NRG3: variants seen among roughly 807,000 people sequenced by gnomAD.
NRG3 encodes neuregulin 3, also known as pro-neuregulin-3, membrane-bound isoform.
A neutral mutation model predicts 66.9 loss-of-function variants in NRG3; 31 were observed. The ratio of observed to expected loss-of-function variants is 0.46; its 90% CI spans 0.35 to 0.63. NRG3 has a LOEUF of 0.63. NRG3 is among the 20% of genes least tolerant of loss of function. The pLI is 0.00. For synonymous variants in NRG3, 393 were observed against 359.4 expected, an observed-to-expected ratio of 1.09 and a Z score of -1.06; for missense variants, 910 against 878.9, an observed-to-expected ratio of 1.04 and a Z score of -0.45.
intron 1 of NRG3, among the ~76,000 whole-genome samples, chr10:81,903,998 T>A (rs10883888): frequency 0.12 from 11,036 of 91,754 alleles, 517 homozygotes; most frequent in Middle Eastern, 0.15. Flanking sequence ...ATATATATAT[T>A]TTTTTTTTTT....
rs1392307198 is a variant in NRG3 at position 82,408,086 on chromosome 10, A to AGAAAGAAAGAAAGAAG, written c.953+49233_953+49234insGGAAAGAAAGAAAGAA. Reference sequence around the variant, plus strand: ...GAGAGAGAGAGAGAGAGAGAGAGACAGAAAGAAAGAAAGAAAGAAAGAAAG... The same window carrying AGAAAGAAAGAAAGAAG: ...GAGAGAGAGAGAGAGAGAGAGAGACAGAAAGAAAGAAAGAAGGAAAGAAAGAAAGAAAGAAAGAAAG... On this transcript the variant is annotated intron_variant, in intron 2 of 8. Coordinates refer to ENST00000372141, the MANE Select transcript of NRG3 (RefSeq NM_001010848.4). Among the ~76,000 whole-genome samples, 59 of 37,924 alleles carry AGAAAGAAAGAAAGAAG rather than the reference A, an allele frequency of 1.6e-3. 2 individuals carry two copies. The highest frequency in any genetic ancestry group is 4.8e-3 in the African/African-American group (57 of 11,832). The allele number at this position is 37,924 out of a possible 152,430, so 24.9% of individuals were successfully genotyped here.
intron 2 of NRG3, among the ~76,000 whole-genome samples, chr10:82,689,838 T>C (rs1481867768): frequency 1.3e-5 from 2 of 152,188 alleles, no homozygotes; most frequent in African/African-American, 2.4e-5. Flanking sequence ...ATCTTTACCA[T>C]AGTTTGTAAG....
intron 1 of NRG3, among the ~76,000 whole-genome samples, chr10:82,271,448 A>G (rs1159413828): frequency 1.3e-5 from 2 of 152,152 alleles, no homozygotes; most frequent in African/African-American, 4.8e-5. Flanking sequence ...ATCTGACTCA[A>G]TAATTGGTTG....
chr10:82,854,035 T>C (rs2063689970), intron 3 of NRG3, among the ~76,000 whole-genome samples: 1 of 152,184 alleles, frequency 6.6e-6, no homozygotes, highest in African/African-American at 2.4e-5. Flanking sequence ...GAAAGAAAAT[T>C]GGTGGGATTA....
chr10:82,186,134 AT>A (rs993251698), intron 1 of NRG3, among the ~76,000 whole-genome samples: 29 of 151,798 alleles, frequency 1.9e-4, no homozygotes, highest in African/African-American at 5.3e-4. Context: ...TAAAAACAAG[AT>A]TTTTTTTTAC....
chr10:81,886,208 C>T (rs954881860), intron 1 of NRG3, among the ~76,000 whole-genome samples: 4 of 152,044 alleles, frequency 2.6e-5, no homozygotes, highest in Non-Finnish European at 4.4e-5. Flanking sequence ...GACAAATGCC[C>T]ACTCCATGCC....
At chr10:82,634,496 A>C (rs2050053061) in intron 2 of NRG3, among the ~76,000 whole-genome samples, 1 of 152,178 alleles carries the variant, frequency 6.6e-6, no homozygotes, top group African/African-American at 2.4e-5. Flanking sequence ...AATTTGGGAG[A>C]TGCACATTTT....
intron 2 of NRG3, among the ~76,000 whole-genome samples, chr10:82,608,211 G>A (rs976833623): frequency 6.6e-6 from 1 of 152,130 alleles, no homozygotes; most frequent in African/African-American, 2.4e-5. Flanking sequence ...TTAGCTTGGT[G>A]GGTTTTTTGT....
intron 1 of NRG3, among the ~76,000 whole-genome samples, chr10:81,900,238 GCGCC>G (rs1293398089): frequency 2.7e-5 from 4 of 146,024 alleles, no homozygotes; most frequent in South Asian, 2.1e-4. Context: ...ATGAGCCAAT[GCGCC>G]TGGCCGGTTT....
At chr10:82,544,290 A>G in intron 2 of NRG3, among the ~76,000 whole-genome samples, 1 of 152,182 alleles carries the variant, frequency 6.6e-6, no homozygotes, top group South Asian at 2.1e-4. Context: ...GAGTCAATCC[A>G]TAATCTCCAG....
intron 8 of NRG3, among the ~76,000 whole-genome samples, chr10:82,982,281 A>AT (rs1441198035): frequency 1.2e-4 from 19 of 152,226 alleles, no homozygotes; most frequent in Non-Finnish European, 2.5e-4. Flanking sequence ...AATGACTGGG[A>AT]ACCAAACCAA....
chr10:81,981,346 A>G (rs1241931808), intron 1 of NRG3, among the ~76,000 whole-genome samples: 1 of 152,232 alleles, frequency 6.6e-6, no homozygotes, highest in Non-Finnish European at 1.5e-5. Flanking sequence ...GAAAGAAGAA[A>G]GGAATCATAG....
At chr10:82,188,107 A>G (rs899846734) in intron 1 of NRG3, among the ~76,000 whole-genome samples, 2 of 152,314 alleles carry the variant, frequency 1.3e-5, no homozygotes, top group African/African-American at 4.8e-5. Context: ...CTGGCATACA[A>G]AAAGACACAG....
At chr10:82,813,963 T>A (rs1420698894) in intron 3 of NRG3, among the ~76,000 whole-genome samples, 1 of 152,222 alleles carries the variant, frequency 6.6e-6, no homozygotes, top group African/African-American at 2.4e-5. Context: ...AGTCCCAGAT[T>A]CATAGAGCAT....
intron 2 of NRG3, among the ~76,000 whole-genome samples, chr10:82,363,095 C>T (rs1020747407): frequency 6.6e-6 from 1 of 151,968 alleles, no homozygotes; most frequent in African/African-American, 2.4e-5. Flanking sequence ...TGTGAGGAAA[C>T]CGAATAACAA....
At chr10:82,362,402 C>A (rs1485865839) in intron 2 of NRG3, among the ~76,000 whole-genome samples, 1 of 149,540 alleles carries the variant, frequency 6.7e-6, no homozygotes, top group African/African-American at 2.5e-5. Flanking sequence ...GAGAGGGACC[C>A]TTGCTCTGTC....
intron 1 of NRG3, among the ~76,000 whole-genome samples, chr10:82,198,527 A>G (rs1285283211): frequency 6.6e-6 from 1 of 152,184 alleles, no homozygotes; most frequent in Non-Finnish European, 1.5e-5. Context: ...AAAACCTTCA[A>G]CTTCTTGTAC....
intron 1 of NRG3, among the ~76,000 whole-genome samples, chr10:82,044,256 TCA>T (rs1295725663): frequency 6.6e-6 from 1 of 152,046 alleles, no homozygotes; most frequent in African/African-American, 2.4e-5. Flanking sequence ...TCCAACTCTC[TCA>T]CTGTAGTTCA....
rs533980651 is a variant in NRG3, at chr10:82,019,727, A to C, written c.823+143564A>C. Reference sequence around the variant, plus strand: ...TAGATTTTCTAGTTTATTTGCGTAGAGGTGTTTATAGTATTCTCTGATGGT... The same window carrying C: ...TAGATTTTCTAGTTTATTTGCGTAGCGGTGTTTATAGTATTCTCTGATGGT... On this transcript the variant is annotated intron_variant, in intron 1 of 8. Transcript: ENST00000372141. 3.5e-3 allele frequency among the ~76,000 whole-genome samples: 536 copies of C among 152,122 alleles called. 5 individuals carry two copies. Among genetic ancestry groups the C allele is most frequent in the African/African-American group, 0.012 (511 of 41,506 alleles).
Sources: allele counts gnomAD v4.1 joint callset (sites outside exome capture counted in the v4.1 genomes callset), GRCh38; gene constraint gnomAD v4.1.1; transcripts MANE v1.5; gene names NCBI Gene and HGNC (gene_info 2026-07-23, HGNC 2026-07-21).